The following GUCY1A2 variants were observed in gnomAD, a reference collection of about 807,000 sequenced individuals.
GUCY1A2 encodes the protein guanylate cyclase 1 soluble subunit alpha 2.
In GUCY1A2, 27 loss-of-function variants were observed where a neutral mutation model predicts 63.5. The observed-to-expected ratio is 0.43, with a 90% CI of 0.31 to 0.59. The LOEUF (loss-of-function observed/expected upper bound fraction) is 0.59, where lower values mean the gene tolerates loss of function less well. Ranked by LOEUF, GUCY1A2 falls within the 20% of genes least tolerant of loss-of-function variation. The probability of loss-of-function intolerance (pLI) is 0.11; values close to 1 mark genes in which losing one functional copy is unlikely to be tolerated. For missense variants in GUCY1A2, 768 were observed against 913.3 expected (o/e 0.84, Z 2.05); for synonymous variants, 364 against 343.5 (o/e 1.06, Z -0.66).
chr11:106,817,565 G>A (rs1348243713), intron 4 of GUCY1A2, among the ~76,000 whole-genome samples: 4 of 151,922 alleles, frequency 2.6e-5, no homozygotes, highest in African/African-American at 9.7e-5. Flanking sequence ...GTGAAGAAAC[G>A]ACATACAGAA....
chr11:106,751,987 C>A (rs1246975729), intron 6 of GUCY1A2, among the ~76,000 whole-genome samples: 1 of 152,154 alleles, frequency 6.6e-6, no homozygotes, highest in African/African-American at 2.4e-5. Context: ...TAGTCCCAAA[C>A]AGGAAAGTTC....
intron 4 of GUCY1A2, among the ~76,000 whole-genome samples, chr11:106,917,485 T>C (rs377276195): frequency 3.5e-5 from 5 of 144,804 alleles, no homozygotes; most frequent in African/African-American, 1.2e-4. Context: ...TATAAAGACA[T>C]ATGCACATGT....
intron 4 of GUCY1A2, among the ~76,000 whole-genome samples, chr11:106,828,178 G>T (rs1480043880): frequency 6.6e-6 from 1 of 151,896 alleles, no homozygotes; most frequent in Non-Finnish European, 1.5e-5. Flanking sequence ...TTCTTTTGCT[G>T]TGCAGAAGCT....
Position 106,824,108 on chromosome 11 carries a change from T to C in GUCY1A2, c.1207-13630A>G, listed in dbSNP as rs1038901189. The C allele has an allele frequency of 4.0e-6, 6 of 1,508,216 alleles. No homozygotes were observed. In the African/African-American group the frequency reaches 7.0e-5, roughly 18 times the overall value. The allele number at this position is 1,508,216 out of a possible 1,614,324, so 93.4% of individuals were successfully genotyped here. On this transcript the variant is annotated intron_variant, in intron 4 of 7. Coordinates refer to ENST00000526355, the MANE Select transcript of GUCY1A2 (RefSeq NM_000855.3). ...CCATTTCTTATTTGAAAATAGGACC[T>C]AAAGCTAATCTTCTGAACAATGAGG...
intron 4 of GUCY1A2, among the ~76,000 whole-genome samples, chr11:106,857,429 T>C (rs538373428): frequency 1.3e-5 from 2 of 152,270 alleles, no homozygotes; most frequent in Admixed American, 6.5e-5. Context: ...TTTCAACATA[T>C]GGATTTTGGG....
chr11:106,778,682 A>T (rs1444816493), intron 5 of GUCY1A2, among the ~76,000 whole-genome samples: 2 of 151,992 alleles, frequency 1.3e-5, no homozygotes, highest in African/African-American at 4.8e-5. Context: ...AAGAAATGGG[A>T]CTATGTTTTT....
intron 5 of GUCY1A2, among the ~76,000 whole-genome samples, chr11:106,793,915 G>T (rs1253435780): frequency 6.6e-6 from 1 of 152,042 alleles, no homozygotes; most frequent in Non-Finnish European, 1.5e-5. Flanking sequence ...TGTAAATTGG[G>T]TCAGCTATTA....
At chr11:106,776,613 G>C in intron 5 of GUCY1A2, 31 bp from the exon 6 acceptor site, 5 of 1,599,952 alleles carry the variant, frequency 3.1e-6, no homozygotes, top group Non-Finnish European at 4.3e-6. Context: ...AAATGCAAAC[G>C]TATGATAATG....
chr11:106,999,238 G>T (rs1215579528), intron 1 of GUCY1A2, among the ~76,000 whole-genome samples: 2 of 152,148 alleles, frequency 1.3e-5, no homozygotes, highest in Non-Finnish European at 2.9e-5. Context: ...GTGGCATGAG[G>T]TTCTGATACA....
At chr11:107,000,670 AAT>A (rs1861602117) in intron 1 of GUCY1A2, among the ~76,000 whole-genome samples, 1 of 152,178 alleles carries the variant, frequency 6.6e-6, no homozygotes, top group African/African-American at 2.4e-5. Flanking sequence ...CATAGATATA[AAT>A]AGATAAATAC....
intron 6 of GUCY1A2, among the ~76,000 whole-genome samples, chr11:106,725,886 T>G (rs1863399396): frequency 6.6e-6 from 1 of 151,956 alleles, no homozygotes. Context: ...TTTCCCTCCT[T>G]TTATATACCC....
In GUCY1A2 at chr11:106,899,373, T is replaced by C. The variant is rs538404319; in HGVS notation, c.1206+40087A>G. ...AGAGTCTAAAGAATATATCCTTAAA[T>C]ATAAAAGTATAAATAGCCTGCATAT... On this transcript the variant is annotated intron_variant, in intron 4 of 7. Coordinates refer to ENST00000526355, the MANE Select transcript of GUCY1A2 (RefSeq NM_000855.3). 2.0e-5 allele frequency among the ~76,000 whole-genome samples: 3 copies of C among 152,276 alleles called. No homozygotes were observed. In the South Asian group the frequency reaches 6.2e-4, roughly 32 times the overall value.
intron 1 of GUCY1A2, among the ~76,000 whole-genome samples, chr11:106,994,798 A>G (rs1861514320): frequency 6.6e-6 from 1 of 152,348 alleles, no homozygotes; most frequent in East Asian, 1.9e-4. Context: ...AATACTTACC[A>G]TGTATCTAAC....
rs536121911 is a variant in GUCY1A2, at chr11:106,879,939, G to A, written c.1206+59521C>T. Among the ~76,000 whole-genome samples, 34 of 152,150 alleles carry A rather than the reference G, an allele frequency of 2.2e-4. No homozygotes were observed. The South Asian group carries it at 5.8e-3, about 26-fold the overall frequency. On this transcript the variant is annotated intron_variant, in intron 4 of 7. Coordinates refer to ENST00000526355, the MANE Select transcript of GUCY1A2 (RefSeq NM_000855.3). The stretch of plus-strand genomic sequence containing the variant: ...GTTAATCTAATTTTAAAAATTGATC[G>A]TTATATTGTATGGCAGATGCACCTG...
At chr11:107,010,944 C>T (rs1861735042) in intron 1 of GUCY1A2, among the ~76,000 whole-genome samples, 1 of 151,898 alleles carries the variant, frequency 6.6e-6, no homozygotes. Context: ...TGGCCAGGCT[C>T]GTCTTGAACT....
At chr11:106,839,583 A>C (rs1403807469) in intron 4 of GUCY1A2, among the ~76,000 whole-genome samples, 1 of 151,944 alleles carries the variant, frequency 6.6e-6, no homozygotes, top group African/African-American at 2.4e-5. Context: ...GGCACTACTC[A>C]CAATAGCAAA....
At chr11:106,790,611 C>T (rs1864640969) in intron 5 of GUCY1A2, among the ~76,000 whole-genome samples, 2 of 152,026 alleles carry the variant, frequency 1.3e-5, no homozygotes, top group Admixed American at 1.3e-4. Flanking sequence ...TCACTTGAAG[C>T]CAGTGCATCT....
At chr11:106,714,193 A>T (rs1342730788) in intron 6 of GUCY1A2, among the ~76,000 whole-genome samples, 1 of 152,004 alleles carries the variant, frequency 6.6e-6, no homozygotes, top group Non-Finnish European at 1.5e-5. Flanking sequence ...GATATCCTTG[A>T]GGGGGCAGAG....
At chr11:106,843,312 G>C (rs1388180095) in intron 4 of GUCY1A2, among the ~76,000 whole-genome samples, 1 of 151,836 alleles carries the variant, frequency 6.6e-6, no homozygotes, top group Non-Finnish European at 1.5e-5. Context: ...AGAAATAGAA[G>C]ACTACACACT....
Sources: gnomAD v4.1 joint callset for allele counts (sites outside exome capture counted in the v4.1 genomes callset) on GRCh38, gnomAD v4.1.1 for gene constraint, MANE v1.5 for transcripts, NCBI Gene and HGNC (gene_info 2026-07-23, HGNC 2026-07-21) for gene names.